The following CD83 variants were observed in gnomAD, a reference collection of about 807,000 sequenced individuals.
The protein encoded by CD83 is CD83 antigen.
In CD83, 22 loss-of-function variants were observed where a neutral mutation model predicts 24.6. The ratio of observed to expected loss-of-function variants is 0.90; its 90% CI spans 0.64 to 1.28. The LOEUF is 1.28. Among genes scored for constraint, CD83 ranks in the 50% most tolerant of loss-of-function variants. The pLI is 0.00. For missense variants in CD83, 253 were observed against 252.8 expected (o/e 1.00, Z -0.01); for synonymous variants, 101 against 103.5 (o/e 0.98, Z 0.14).
intron 2 of CD83, among the ~76,000 whole-genome samples, chr6:14,124,165 T>G (rs1759734671): frequency 6.6e-6 from 1 of 152,220 alleles, no homozygotes; most frequent in Non-Finnish European, 1.5e-5. Flanking sequence ...TTTCCGTGTG[T>G]GTCATGTGGG....
At chr6:14,128,630 A>AG (rs1759878031) in intron 2 of CD83, among the ~76,000 whole-genome samples, 1 of 152,190 alleles carries the variant, frequency 6.6e-6, no homozygotes, top group African/African-American at 2.4e-5. Context: ...GGTGTTTGGA[A>AG]GATGACCCTG....
At chr6:14,134,769 G>T (rs572740010) in intron 4 of CD83, among the ~76,000 whole-genome samples, 2 of 152,336 alleles carry the variant, frequency 1.3e-5, no homozygotes, top group African/African-American at 2.4e-5. Flanking sequence ...GGTTATTTGC[G>T]TATAAGAAGA....
At chr6:14,127,754 G>C (rs1445336575) in intron 2 of CD83, among the ~76,000 whole-genome samples, 1 of 152,106 alleles carries the variant, frequency 6.6e-6, no homozygotes, top group Admixed American at 6.6e-5. Context: ...GAGTCCCCAG[G>C]CTTTCTGAAA....
At position 14,124,805 on chromosome 6, in the gene CD83, G is replaced by GC. The variant is rs531581267; in HGVS notation, c.154-6707dup. Among the ~76,000 whole-genome samples the GC allele has an allele frequency of 6.3e-3, 957 of 151,710 alleles. 14 individuals are homozygous for GC. Among genetic ancestry groups the GC allele is most frequent in the South Asian group, 0.057 (275 of 4,788 alleles). On this transcript the variant is annotated intron_variant, in intron 2 of 4. Transcript: ENST00000379153. ...TGGATGGCGTTGTGGCTTGAATTGT[G>GC]CCCCCCCCAAAAGATCAGAAGTTCT... is the stretch of plus-strand genomic sequence containing the variant.
chr6:14,117,620 G>T (rs1303543183), upstream of CD83: 2 of 311,130 alleles, frequency 6.4e-6, no homozygotes, highest in African/African-American at 4.6e-5. The surrounding 1 kb of genome is among the most constrained non-coding windows in gnomAD (Gnocchi z 4.6). Context: ...GGGGACGGGG[G>T]CGAAGGGGGC....
Position 14,131,602 on chromosome 6 carries a change from A to G in CD83, c.236A>G (p.Asn79Ser), listed in dbSNP as rs192172446. ...CAGCACTATCATCAGAAGGGGCAAA[A>G]TGGTTCTTTCGACGCCCCCAATGAA... is the stretch of plus-strand genomic sequence containing the variant. ...RGQHYHQKGQ[N>S]GSFDAPNERP... Residue 79 changes from asparagine to serine, a missense_variant, in exon 3 of 5, where the codon AAT (asparagine) becomes AGT (serine). Coordinates refer to ENST00000379153, the MANE Select transcript of CD83 (RefSeq NM_004233.4). The G allele has an allele frequency of 1.9e-6, 3 of 1,614,064 alleles. No individual in the cohort carries two copies. The highest frequency in any genetic ancestry group is 2.2e-5 in the East Asian group (1 of 44,878).
In CD83 at chr6:14,133,749, C is replaced by T. The variant is rs1311796792; in HGVS notation, c.483C>T (p.Phe161=). The T allele has an allele frequency of 3.1e-6, 5 of 1,597,880 alleles. No individual in the cohort carries two copies. The highest frequency in any genetic ancestry group is 4.3e-6 in the Non-Finnish European group (5 of 1,166,020). The change falls in exon 4 of 5, where the codon TTC becomes TTT. Residue 161 remains phenylalanine, a synonymous_variant. Coordinates refer to ENST00000379153, the MANE Select transcript of CD83 (RefSeq NM_004233.4). ...TTTTCTACTTAACACTCATCATTTT[C>T]ACTTGTGTAAGTATCTTCTTAAAAC... is the stretch of plus-strand genomic sequence containing the variant. ...LVIFYLTLII[F]TCKFARLQSI...
At position 14,136,666 on chromosome 6, in the gene CD83, A is replaced by T. The variant is rs1758060152; in HGVS notation, c.*1430A>T. 1.3e-5 allele frequency: 2 copies of T among 152,186 alleles called. No individual in the cohort carries two copies. The highest frequency in any genetic ancestry group is 4.1e-4 in the South Asian group (2 of 4,830). 9.4% of individuals were successfully genotyped at this position (152,186 alleles called of 1,614,324 possible). ...TCTTGGCTTTCATGTTATTAAACGT[A>T]TGCATGTGAAGAAAGGGTGTTTTTC... On this transcript the variant is annotated 3_prime_UTR_variant, in exon 5 of 5. Coordinates refer to ENST00000379153, the MANE Select transcript of CD83 (RefSeq NM_004233.4).
intron 2 of CD83, among the ~76,000 whole-genome samples, chr6:14,121,952 G>A (rs955630530): frequency 6.6e-6 from 1 of 152,284 alleles, no homozygotes; most frequent in Non-Finnish European, 1.5e-5. Flanking sequence ...TCCCAGAGTT[G>A]CAATGCCTTC....
In CD83 at chr6:14,131,530, G is replaced by A; in HGVS notation, c.164G>A (p.Gly55Asp). Residue 55 changes from glycine to aspartate, a missense_variant, in exon 3 of 5, where the codon GGT becomes GAT. Physicochemically the swap from Gly to Asp is moderately conservative, Grantham distance 94. Transcript: ENST00000379153. ...ATTCCTTCTTCACAGTTATTGGAGG[G>A]TGGTGAAGAGAGGATGGAGACACCC... Reference protein sequence around the residue: ...YTVSWVKLLEGGEERMETPQE... With the variant: ...YTVSWVKLLEDGEERMETPQE... 14 of 1,612,692 alleles carry A rather than the reference G, an allele frequency of 8.7e-6. No individual in the cohort carries two copies. Among genetic ancestry groups the A allele is most frequent in the Non-Finnish European group, 1.2e-5 (14 of 1,178,674 alleles).
chr6:14,130,490 C>T (rs6927802), intron 2 of CD83, among the ~76,000 whole-genome samples: 9,995 of 152,076 alleles, frequency 0.066, 1,079 homozygotes, highest in African/African-American at 0.23. Flanking sequence ...TTTGGGAGGC[C>T]GAGGCGGGCG....
chr6:14,123,556 C>A (rs1425587245), intron 2 of CD83, among the ~76,000 whole-genome samples: 1 of 152,004 alleles, frequency 6.6e-6, no homozygotes, highest in Non-Finnish European at 1.5e-5. Flanking sequence ...GGTCACCAGT[C>A]CTGTCCATGT....
intron 3 of CD83, among the ~76,000 whole-genome samples, chr6:14,132,591 A>G (rs1459530923): frequency 6.6e-6 from 1 of 152,244 alleles, no homozygotes; most frequent in African/African-American, 2.4e-5. Context: ...AGTAACGTCT[A>G]CAACATAGGC....
chr6:14,132,857 A>G (rs531617971), intron 3 of CD83, among the ~76,000 whole-genome samples: 2 of 152,354 alleles, frequency 1.3e-5, no homozygotes, highest in East Asian at 3.9e-4. Context: ...TGCCTGGGGC[A>G]TCAAGCAGAT....
In CD83 at chr6:14,131,610, T is replaced by C; in HGVS notation, c.244T>C (p.Phe82Leu). The C allele has an allele frequency of 6.2e-7, 1 of 1,614,114 alleles. No homozygotes were observed. The highest frequency in any genetic ancestry group is 8.5e-7 in the Non-Finnish European group (1 of 1,180,030). Residue 82 changes from phenylalanine (F) to leucine (L), a missense_variant, in exon 3 of 5, where the codon TTC becomes CTC. Physicochemically the swap from Phe to Leu is conservative, Grantham distance 22. Transcript: ENST00000379153. ...TCATCAGAAGGGGCAAAATGGTTCT[T>C]TCGACGCCCCCAATGAAAGGCCCTA... ...HYHQKGQNGSFDAPNERPYSL... is the reference protein window; with the variant it reads ...HYHQKGQNGSLDAPNERPYSL...
chr6:14,123,100 G>T lies in CD83; in HGVS notation c.153+5035G>T, dbSNP rs974017767. The stretch of plus-strand genomic sequence containing the variant: ...ATTTTTTGTTTGTTTGTTTGTTTTT[G>T]TTTTTTTTTTTTTTGAGACAGAGTT... On this transcript the variant is annotated intron_variant, in intron 2 of 4. Coordinates refer to ENST00000379153, the MANE Select transcript of CD83 (RefSeq NM_004233.4). Among the ~76,000 whole-genome samples the T allele has an allele frequency of 2.7e-3, 384 of 141,834 alleles. 2 individuals carry two copies. Among genetic ancestry groups the T allele is most frequent in the African/African-American group, 8.8e-3 (343 of 38,848 alleles). 93.0% of individuals were successfully genotyped at this position (141,834 alleles called of 152,430 possible). A position where few individuals can be genotyped will look rare whatever the true frequency, so the allele number is the denominator to read the frequency against.
At chr6:14,133,557 C>A (rs539713862) in intron 3 of CD83, 92 bp from the exon 4 acceptor site, 39 of 823,510 alleles carry the variant, frequency 4.7e-5, no homozygotes, top group Non-Finnish European at 7.8e-5. Flanking sequence ...ACAAGCAGGA[C>A]TCCAGGACCA....
intron 2 of CD83, among the ~76,000 whole-genome samples, chr6:14,123,311 C>T (rs1759713986): frequency 6.6e-6 from 1 of 151,972 alleles, no homozygotes; most frequent in Admixed American, 6.6e-5. Context: ...GTTGGCCAGG[C>T]TGGTCTCGAG....
Position 14,135,382 on chromosome 6 carries a change from C to A in CD83, c.*146C>A. On this transcript the variant is annotated 3_prime_UTR_variant, in exon 5 of 5. Transcript: ENST00000379153. ...CACTGAAAACATCTGGAAGGGGATC[C>A]CACCCCATTTTCTGTGGGCAGGCCT... 1.2e-6 allele frequency: 1 copy of A among 867,136 alleles called. No individual in the cohort carries two copies. The highest frequency in any genetic ancestry group is 1.7e-6 in the Non-Finnish European group (1 of 576,212). 53.7% of individuals were successfully genotyped at this position (867,136 alleles called of 1,614,324 possible).
Sources: gnomAD v4.1 joint callset for allele counts (sites outside exome capture counted in the v4.1 genomes callset) on GRCh38, gnomAD v4.1.1 for gene constraint, Gnocchi (gnomAD v3.1) non-coding constraint, MANE v1.5 for transcripts, NCBI Gene and HGNC (gene_info 2026-07-23, HGNC 2026-07-21) for gene names.